The following EFNB2 variants were observed in gnomAD, a reference collection of about 807,000 sequenced individuals.
EFNB2 encodes the protein ephrin B2.
EFNB2 carries 5 observed loss-of-function variants against 32.1 expected under a neutral mutation model. The observed-to-expected ratio is 0.16, with a 90% CI of 0.08 to 0.33. The LOEUF is 0.33. EFNB2 is among the 10% of genes least tolerant of loss of function. The pLI, the probability that EFNB2 is intolerant of heterozygous loss-of-function variation, is 1.00. For missense variants in EFNB2, 263 were observed against 422.6 expected (o/e 0.62, Z 3.31); for synonymous variants, 168 against 166.5 (o/e 1.01, Z -0.07).
intron 2 of EFNB2, among the ~76,000 whole-genome samples, chr13:106,504,434 A>T (rs1314902662): frequency 6.6e-6 from 1 of 152,192 alleles, no homozygotes; most frequent in Admixed American, 6.5e-5. Context: ...TGGACATCAC[A>T]GCTTAGATGG....
At chr13:106,497,787 A>T (rs886291359) in intron 2 of EFNB2, among the ~76,000 whole-genome samples, 2 of 152,128 alleles carry the variant, frequency 1.3e-5, no homozygotes, top group African/African-American at 4.8e-5. Context: ...ACTAAATTTT[A>T]AAGTATCCTT....
intron 1 of EFNB2, among the ~76,000 whole-genome samples, chr13:106,532,125 A>G (rs1409805378): frequency 1.3e-5 from 2 of 152,062 alleles, no homozygotes; most frequent in African/African-American, 4.8e-5. Flanking sequence ...CAACTCTACC[A>G]GAACGTATCA....
At position 106,493,713 on chromosome 13, in the gene EFNB2, T is replaced by A. The variant is rs1878496462; in HGVS notation, c.614-285A>T. Among the ~76,000 whole-genome samples the A allele has an allele frequency of 6.6e-6, 1 of 152,190 alleles. No individual in the cohort carries two copies. ...ACAGCCAGCCCTTGATCTTGCTTCA[T>A]CTTCTAACCCGTGTCAGCCAGCCTG... On this transcript the variant is annotated intron_variant, in intron 4 of 4. Transcript: ENST00000646441. This position sits in a 1 kb window ranked among gnomAD's most constrained non-coding sequence, Gnocchi z 6.1.
chr13:106,500,230 C>T (rs1878729451), intron 2 of EFNB2, among the ~76,000 whole-genome samples: 1 of 152,174 alleles, frequency 6.6e-6, no homozygotes, highest in Non-Finnish European at 1.5e-5. Flanking sequence ...AGGCTAAGCT[C>T]CAGCCCCACA....
rs1878407432 is a variant in EFNB2 at position 106,491,615 on chromosome 13, A to C, written c.*1425T>G. 1 of 152,322 alleles carries C rather than the reference A, an allele frequency of 6.6e-6. No individual in the cohort carries two copies. Among genetic ancestry groups the C allele is most frequent in the Non-Finnish European group, 1.5e-5 (1 of 68,030 alleles). 9.4% of individuals were successfully genotyped at this position (152,322 alleles called of 1,614,324 possible). ...CTAAGAGGTCTGCCGTATGTGCTTC[A>C]CCTTGACACAGAGCACCGGGCGCTG... On this transcript the variant is annotated 3_prime_UTR_variant, in exon 5 of 5. Coordinates refer to ENST00000646441, the MANE Select transcript of EFNB2 (RefSeq NM_004093.4).
chr13:106,501,195 A>C (rs956195721), intron 2 of EFNB2, among the ~76,000 whole-genome samples: 1 of 152,100 alleles, frequency 6.6e-6, no homozygotes, highest in African/African-American at 2.4e-5. Flanking sequence ...CTAACTTAGA[A>C]GAAAAGTTCT....
chr13:106,524,476 T>C (rs1050418349), intron 1 of EFNB2, among the ~76,000 whole-genome samples: 20 of 152,210 alleles, frequency 1.3e-4, no homozygotes, highest in Admixed American at 1.3e-3. Flanking sequence ...ATGGATATAT[T>C]AAAAGTGCTT....
chr13:106,501,846 C>T (rs1017014420), intron 2 of EFNB2, among the ~76,000 whole-genome samples: 4 of 152,184 alleles, frequency 2.6e-5, no homozygotes, highest in South Asian at 2.1e-4. Flanking sequence ...CCCGCCTCGG[C>T]CTCCCAAAGT....
chr13:106,532,809 T>C (rs2138949513), intron 1 of EFNB2, among the ~76,000 whole-genome samples: 1 of 147,496 alleles, frequency 6.8e-6, no homozygotes, highest in South Asian at 2.3e-4. Context: ...CAGACTCATC[T>C]TCATCATCAG....
intron 1 of EFNB2, among the ~76,000 whole-genome samples, chr13:106,533,912 G>C (rs1164951892): frequency 6.6e-6 from 1 of 152,120 alleles, no homozygotes. Context: ...GGGATGGATG[G>C]GATTTTCTAA....
At chr13:106,510,008 C>T (rs1018911132) in intron 2 of EFNB2, 1 of 152,164 alleles carries the variant, frequency 6.6e-6, no homozygotes. Flanking sequence ...TTATGACAGT[C>T]CCCCAAAGCA....
At chr13:106,519,538 T>G (rs1437942241) in intron 1 of EFNB2, 1 of 152,222 alleles carries the variant, frequency 6.6e-6, no homozygotes, top group Non-Finnish European at 1.5e-5. Context: ...AATTATTTTA[T>G]TTTTCTTTTC....
chr13:106,522,808 C>T (rs756209745), intron 1 of EFNB2, among the ~76,000 whole-genome samples: 3 of 152,190 alleles, frequency 2.0e-5, no homozygotes, highest in African/African-American at 7.2e-5. Context: ...ATTCCTGCTC[C>T]TCCAGGATTG....
intron 1 of EFNB2, chr13:106,521,572 A>G (rs1404365390): frequency 1.3e-5 from 2 of 152,218 alleles, no homozygotes; most frequent in Non-Finnish European, 2.9e-5. Context: ...TTCCTCTGTC[A>G]GTCTACAATT....
chr13:106,513,530 T>G (rs540804404), intron 1 of EFNB2, among the ~76,000 whole-genome samples: 1 of 152,288 alleles, frequency 6.6e-6, no homozygotes, highest in South Asian at 2.1e-4. Flanking sequence ...TTGAGATGTA[T>G]TTGCTCCAAT....
At chr13:106,506,140 G>A (rs1878944236) in intron 2 of EFNB2, 1 of 152,194 alleles carries the variant, frequency 6.6e-6, no homozygotes, top group Admixed American at 6.5e-5. Flanking sequence ...CAGAAAAGGA[G>A]TTCACATGAT....
intron 2 of EFNB2, 48 bp downstream of exon 2, chr13:106,512,481 A>T (rs1329020300): frequency 7.7e-7 from 1 of 1,297,742 alleles, no homozygotes; most frequent in Admixed American, 2.6e-5. Flanking sequence ...ACAAACCTAT[A>T]TAGCTTATCT....
intron 1 of EFNB2, chr13:106,520,684 A>G (rs374891538): frequency 1.1e-4 from 16 of 152,218 alleles, no homozygotes; most frequent in African/African-American, 3.6e-4. Flanking sequence ...TGCCCCAAAC[A>G]TAAGAGTTTT....
rs34068695 is a variant in EFNB2 at position 106,509,627 on chromosome 13, C to CTGTGTGTGTGTGTGTGTG, written c.406+2884_406+2901dup. 2.5e-3 allele frequency among the ~76,000 whole-genome samples: 353 copies of CTGTGTGTGTGTGTGTGTG among 142,656 alleles called. 2 individuals carry two copies. The highest frequency in any genetic ancestry group is 3.1e-3 in the Non-Finnish European group (203 of 65,010). The allele number at this position is 142,656 out of a possible 152,430, so 93.6% of individuals were successfully genotyped here. On this transcript the variant is annotated intron_variant, in intron 2 of 4. Coordinates refer to ENST00000646441, the MANE Select transcript of EFNB2 (RefSeq NM_004093.4). Reference sequence around the variant, plus strand: ...TCAAAAAAGCCAGTACAGAGCTTGACTGTGTGTGTGTGTGTGTGTGTGTGT... The same window carrying CTGTGTGTGTGTGTGTGTG: ...TCAAAAAAGCCAGTACAGAGCTTGACTGTGTGTGTGTGTGTGTGTGTGTGTGTGTGTGTGTGTGTGTGT...
Sources: gnomAD v4.1 joint callset for allele counts (sites outside exome capture counted in the v4.1 genomes callset) on GRCh38, gnomAD v4.1.1 for gene constraint, Gnocchi (gnomAD v3.1) non-coding constraint, MANE v1.5 for transcripts, NCBI Gene and HGNC (gene_info 2026-07-23, HGNC 2026-07-21) for gene names.